LGALS3: variants seen among roughly 807,000 people sequenced by gnomAD.
The protein encoded by LGALS3 is galectin-3.
LGALS3 carries 18 observed loss-of-function variants against 20.7 expected under a neutral mutation model. That is an observed-to-expected ratio of 0.87 (90% CI 0.60 to 1.29). The LOEUF (loss-of-function observed/expected upper bound fraction) is 1.29, where lower values mean the gene tolerates loss of function less well. Among genes scored for constraint, LGALS3 ranks in the 50% most tolerant of loss-of-function variants. The pLI, the probability that LGALS3 is intolerant of heterozygous loss-of-function variation, is 0.00. For synonymous variants in LGALS3, 112 were observed against 119.6 expected (o/e 0.94, Z 0.42); for missense variants, 315 against 314.7 (o/e 1.00, Z -0.01).
intron 1 of LGALS3, among the ~76,000 whole-genome samples, chr14:55,136,507 C>A (rs547483671): frequency 6.6e-5 from 10 of 152,064 alleles, no homozygotes; most frequent in Non-Finnish European, 1.5e-4. Context: ...GTAGGCCCTT[C>A]GGCTTTTATT....
intron 5 of LGALS3, chr14:55,143,339 A>G (rs935405794): frequency 7.2e-6 from 2 of 278,634 alleles, no homozygotes; most frequent in African/African-American, 2.3e-5. Flanking sequence ...GCTGGAGTGT[A>G]AACTCTTCAA....
intron 2 of LGALS3, 192 bp downstream of exon 2, chr14:55,137,583 G>A (rs1440602848): frequency 6.7e-7 from 1 of 1,495,168 alleles, no homozygotes; most frequent in African/African-American, 1.4e-5. Context: ...AAGCCAGGCA[G>A]AGCGAGGCCT....
chr14:55,138,323 A>G lies in LGALS3; in HGVS notation c.297A>G (p.Gly99=), dbSNP rs757678896. ...YPSSGQPSAT[G]AYPATGPYGA... ...CTTCTGGACAGCCAAGTGCCACCGG[A>G]GCCTACCCTGCCACTGGCCCCTATG... is the stretch of plus-strand genomic sequence containing the variant. The change falls in exon 3 of 6, where the codon GGA becomes GGG. Residue 99 remains glycine, a synonymous_variant. Coordinates refer to ENST00000254301, the MANE Select transcript of LGALS3 (RefSeq NM_002306.4). The G allele has an allele frequency of 1.2e-6, 2 of 1,612,522 alleles. No individual in the cohort carries two copies. Among genetic ancestry groups the G allele is most frequent in the South Asian group, 2.2e-5 (2 of 91,072 alleles).
In LGALS3 at chr14:55,145,200, C is replaced by G; in HGVS notation, c.682C>G (p.Leu228Val). The G allele has an allele frequency of 6.2e-7, 1 of 1,613,834 alleles. No homozygotes were observed. Among genetic ancestry groups the G allele is most frequent in the Admixed American group, 1.7e-5 (1 of 59,994 alleles). ...LLQYNHRVKK[L>V]NEISKLGISG... The stretch of plus-strand genomic sequence containing the variant: ...GCAGTACAATCATCGGGTTAAAAAA[C>G]TCAATGAAATCAGCAAACTGGGAAT... Residue 228 changes from leucine (L) to valine (V), a missense_variant, in exon 6 of 6, where the codon CTC becomes GTC. Physicochemically the swap from Leu to Val is conservative, Grantham distance 32. Transcript: ENST00000254301.
chr14:55,132,568 G>GCTTCT (rs1555380097), intron 1 of LGALS3, among the ~76,000 whole-genome samples: 7 of 151,120 alleles, frequency 4.6e-5, no homozygotes, highest in African/African-American at 1.7e-4. Context: ...CAGTTATAAT[G>GCTTCT]CTTTTCTTTT....
rs1457390287 is a variant in LGALS3, at chr14:55,129,765, T to C, written c.-5+465T>C. 6.6e-6 allele frequency among the ~76,000 whole-genome samples: 1 copy of C among 152,138 alleles called. No homozygotes were observed. The highest frequency in any genetic ancestry group is 6.5e-5 in the Admixed American group (1 of 15,282). On this transcript the variant is annotated intron_variant, in intron 1 of 5. Coordinates refer to ENST00000254301, the MANE Select transcript of LGALS3 (RefSeq NM_002306.4). The surrounding 1 kb of genome is among the most constrained non-coding windows in gnomAD (Gnocchi z 5.3). ...CAGACGGCCGCTCCAGTTTCTCTAA[T>C]TGGGGTTGGAGCCCCGTCACCCTTC...
At chr14:55,132,841 A>G (rs1003940225) in intron 1 of LGALS3, among the ~76,000 whole-genome samples, 4 of 152,232 alleles carry the variant, frequency 2.6e-5, no homozygotes. Flanking sequence ...TGCTGGGATT[A>G]CAGGCATGAG....
intron 4 of LGALS3, 183 bp downstream of exon 4, chr14:55,140,546 C>A: frequency 2.0e-6 from 1 of 504,886 alleles, no homozygotes; most frequent in East Asian, 3.2e-5. Context: ...TAAATCCATA[C>A]ATATTCCCAT....
In LGALS3 at chr14:55,142,605, A is replaced by C; in HGVS notation, c.453A>C (p.Arg151Ser). ...NANRIALDFQ[R>S]GNDVAFHFNP... is the part of the protein sequence containing the mutation. ...ACAGAATTGCTTTAGATTTCCAAAG[A>C]GGGAATGATGTTGCCTTCCACTTTA... is the stretch of plus-strand genomic sequence containing the variant. The change falls in exon 5 of 6, where the codon AGA becomes AGC. Residue 151 changes from arginine (R) to serine (S), a missense_variant. Coordinates refer to ENST00000254301, the MANE Select transcript of LGALS3 (RefSeq NM_002306.4). 1 of 1,613,584 alleles carries C rather than the reference A, an allele frequency of 6.2e-7. No individual in the cohort carries two copies. Among genetic ancestry groups the C allele is most frequent in the Non-Finnish European group, 8.5e-7 (1 of 1,179,554 alleles).
At chr14:55,139,867 T>C (rs1336780308) in intron 3 of LGALS3, among the ~76,000 whole-genome samples, 1 of 152,100 alleles carries the variant, frequency 6.6e-6, no homozygotes, top group Non-Finnish European at 1.5e-5. Context: ...GTACAAAGCA[T>C]ATGAGAACCC....
intron 5 of LGALS3, 106 bp from the exon 6 acceptor site, chr14:55,145,010 A>G: frequency 1.1e-6 from 1 of 904,638 alleles, no homozygotes; most frequent in Non-Finnish European, 1.7e-6. Flanking sequence ...AGTTGACAAA[A>G]AATTGTTTCT....
chr14:55,142,493 ATTAT>A, intron 4 of LGALS3, 87 bp from the exon 5 acceptor site: 2 of 1,067,386 alleles, frequency 1.9e-6, no homozygotes, highest in Non-Finnish European at 2.7e-6. Flanking sequence ...GTATTATGAA[ATTAT>A]TTGCTTTTTA....
chr14:55,145,071 C>T, intron 5 of LGALS3, 45 bp from the exon 6 acceptor site: 1 of 1,489,338 alleles, frequency 6.7e-7, no homozygotes, highest in Non-Finnish European at 9.3e-7. Flanking sequence ...ATCCAGCTGA[C>T]ATATGCATTA....
At chr14:55,144,222 C>G (rs8013027) in intron 5 of LGALS3, among the ~76,000 whole-genome samples, 62,736 of 152,032 alleles carry the variant, frequency 0.41, 13,184 homozygotes, top group African/African-American at 0.43. Context: ...CTCATTGCAG[C>G]CTGTCAACCT....
At chr14:55,140,583 C>T in intron 4 of LGALS3, 1 of 463,464 alleles carries the variant, frequency 2.2e-6, no homozygotes, top group South Asian at 3.0e-5. Flanking sequence ...TCATGGCACT[C>T]ATAGTAAACG....
intron 2 of LGALS3, chr14:55,137,806 A>AGGAGG (rs1881457609): frequency 7.7e-7 from 1 of 1,297,846 alleles, no homozygotes; most frequent in Non-Finnish European, 9.7e-7. Context: ...ATGAAAATGC[A>AGGAGG]GCCCTCCCTG....
intron 1 of LGALS3, among the ~76,000 whole-genome samples, chr14:55,133,691 C>G (rs961925382): frequency 6.6e-5 from 10 of 152,126 alleles, no homozygotes; most frequent in Admixed American, 3.9e-4. Context: ...TACTGCCCTC[C>G]GAGGTGGTGT....
chr14:55,133,668 G>C lies in LGALS3; in HGVS notation c.-4-3702G>C, dbSNP rs182207532. 1.1e-4 allele frequency among the ~76,000 whole-genome samples: 17 copies of C among 152,250 alleles called. No individual in the cohort carries two copies. In the East Asian group the frequency reaches 2.9e-3, roughly 26 times the overall value. On this transcript the variant is annotated intron_variant, in intron 1 of 5. Coordinates refer to ENST00000254301, the MANE Select transcript of LGALS3 (RefSeq NM_002306.4). ...TTCTAGTGGCCTTGTCTAATGTGTC[G>C]AGACACAATCTATACTGCCCTCCGA...
chr14:55,140,919 C>T (rs1881601649), intron 4 of LGALS3, among the ~76,000 whole-genome samples: 1 of 152,134 alleles, frequency 6.6e-6, no homozygotes, highest in Non-Finnish European at 1.5e-5. Context: ...GGCTGCTTGG[C>T]CCTGGTTGTC....
Sources: gnomAD v4.1 joint callset for allele counts (sites outside exome capture counted in the v4.1 genomes callset) on GRCh38, gnomAD v4.1.1 for gene constraint, Gnocchi (gnomAD v3.1) non-coding constraint, MANE v1.5 for transcripts, NCBI Gene and HGNC (gene_info 2026-07-23, HGNC 2026-07-21) for gene names.